Variants in TRIP4 observed in about 807,000 individuals in gnomAD.
TRIP4 encodes thyroid hormone receptor interactor 4.
In TRIP4, 54 loss-of-function variants were observed where a neutral mutation model predicts 81.8. The observed-to-expected ratio is 0.66, with a 90% CI of 0.53 to 0.83. TRIP4 has a LOEUF of 0.83. Ranked by LOEUF, TRIP4 falls within the 40% of genes least tolerant of loss-of-function variation. TRIP4 has a pLI of 0.00. For missense variants in TRIP4, 662 were observed against 683.6 expected (o/e 0.97, Z 0.35); for synonymous variants, 270 against 242.8 (o/e 1.11, Z -1.04).
chr15:64,423,079 C>T (rs913266032), intron 9 of TRIP4, among the ~76,000 whole-genome samples: 1 of 152,128 alleles, frequency 6.6e-6, no homozygotes, highest in Non-Finnish European at 1.5e-5. Context: ...CAATTAAATT[C>T]TCCTGAATAC....
At chr15:64,395,581 T>G in intron 3 of TRIP4, 50 bp downstream of exon 3, 1 of 1,557,662 alleles carries the variant, frequency 6.4e-7, no homozygotes, top group Non-Finnish European at 8.7e-7. Flanking sequence ...GAAGAGGAAG[T>G]GACTAATACA....
intron 6 of TRIP4, among the ~76,000 whole-genome samples, chr15:64,406,678 G>A (rs1201598195): frequency 1.3e-5 from 2 of 152,112 alleles, no homozygotes; most frequent in African/African-American, 4.8e-5. Context: ...AGCATTTTTT[G>A]ATTCCTGACA....
intron 12 of TRIP4, among the ~76,000 whole-genome samples, chr15:64,448,713 C>T (rs1307653348): frequency 2.0e-5 from 3 of 152,222 alleles, no homozygotes; most frequent in South Asian, 2.1e-4. Flanking sequence ...GATCCATCCA[C>T]CTTGGCCTCT....
At chr15:64,432,351 C>T (rs921972580) in intron 11 of TRIP4, among the ~76,000 whole-genome samples, 9 of 152,026 alleles carry the variant, frequency 5.9e-5, no homozygotes, top group South Asian at 2.1e-4. Context: ...CAGTGGTTTA[C>T]GCCTGTAATC....
At chr15:64,431,849 T>TATATATATATATATATATATATATATA (rs1566981702) in intron 11 of TRIP4, among the ~76,000 whole-genome samples, 72 of 81,372 alleles carry the variant, frequency 8.8e-4, no homozygotes, top group African/African-American at 2.9e-3. Flanking sequence ...ATATATATAT[T>TATATATATATATATATATATATATATA]TTTTTTATCC....
chr15:64,425,646 C>CTTT lies in TRIP4; in HGVS notation c.1575+24_1575+26dup. On this transcript the variant is annotated intron_variant, in intron 11 of 12. Coordinates refer to ENST00000261884, the MANE Select transcript of TRIP4 (RefSeq NM_016213.5). Reference sequence around the variant, plus strand: ...TTAAGGAGCAGGTGAGTAAAGAATACTTTTTTTTTTTAGAGACAGGGTTTC... The same window carrying CTTT: ...TTAAGGAGCAGGTGAGTAAAGAATACTTTTTTTTTTTTTTAGAGACAGGGTTTC... The CTTT allele has an allele frequency of 4.0e-6, 5 of 1,260,300 alleles. No homozygotes were observed. The highest frequency in any genetic ancestry group is 2.1e-5 in the Admixed American group (1 of 47,806). 78.1% of individuals were successfully genotyped at this position (1,260,300 alleles called of 1,614,324 possible).
chr15:64,404,757 AG>A (rs1357801322), intron 5 of TRIP4, among the ~76,000 whole-genome samples: 6 of 151,122 alleles, frequency 4.0e-5, no homozygotes, highest in Non-Finnish European at 7.4e-5. Context: ...GTCAGGCTGG[AG>A]TACATTGGTA....
At chr15:64,439,672 C>T (rs909866838) in intron 11 of TRIP4, among the ~76,000 whole-genome samples, 2 of 151,346 alleles carry the variant, frequency 1.3e-5, no homozygotes, top group Non-Finnish European at 1.5e-5. Flanking sequence ...TACAGGTGCC[C>T]GCCATCATGC....
At chr15:64,409,895 C>G in intron 7 of TRIP4, 67 bp downstream of exon 7, 1 of 1,372,174 alleles carries the variant, frequency 7.3e-7, no homozygotes, top group Non-Finnish European at 1.0e-6. Context: ...TTTTCCCTTT[C>G]TAGTGGATCT....
At chr15:64,388,901 T>C (rs1436802574) in intron 1 of TRIP4, among the ~76,000 whole-genome samples, 1 of 152,196 alleles carries the variant, frequency 6.6e-6, no homozygotes, top group Non-Finnish European at 1.5e-5. Flanking sequence ...TGACTTAATA[T>C]CTACTTTCAA....
intron 11 of TRIP4, among the ~76,000 whole-genome samples, chr15:64,442,643 TATCAAGTTCTACTACAGATAG>T (rs1252011663): frequency 6.6e-5 from 10 of 150,982 alleles, no homozygotes; most frequent in South Asian, 2.1e-4. Context: ...AAAAGAATTC[TATCAAGTTCTACTACAGATAG>T]ATCAAGTTCT....
In TRIP4 at chr15:64,409,836, AG is replaced by A; in HGVS notation, c.1043+9del. 1 of 1,613,162 alleles carries A rather than the reference AG, an allele frequency of 6.2e-7. No homozygotes were observed. Among genetic ancestry groups the A allele is most frequent in the Non-Finnish European group, 8.5e-7 (1 of 1,179,372 alleles). On this transcript the variant is annotated intron_variant, in intron 7 of 12. Coordinates refer to ENST00000261884, the MANE Select transcript of TRIP4 (RefSeq NM_016213.5). ...AGCAGAGTATCATAGCAGGTAAGTG[AG>A]CAGCACTAGAAAGGGTCTCAAAGAA...
intron 7 of TRIP4, among the ~76,000 whole-genome samples, chr15:64,413,062 G>A (rs1891803068): frequency 6.6e-6 from 1 of 152,008 alleles, no homozygotes; most frequent in African/African-American, 2.4e-5. Context: ...GAGCCTTCAA[G>A]CAAAGATAGA....
At chr15:64,412,809 A>G (rs555281528) in intron 7 of TRIP4, among the ~76,000 whole-genome samples, 2 of 152,310 alleles carry the variant, frequency 1.3e-5, no homozygotes, top group Non-Finnish European at 2.9e-5. Context: ...AGAATGAATT[A>G]AGATAGGGTT....
chr15:64,450,383 C>T (rs1396856355), intron 12 of TRIP4, among the ~76,000 whole-genome samples: 3 of 127,518 alleles, frequency 2.4e-5, no homozygotes, highest in African/African-American at 6.3e-5. Flanking sequence ...TGTGAGACTC[C>T]GTCTCAAAAG....
intron 11 of TRIP4, among the ~76,000 whole-genome samples, chr15:64,427,883 C>T (rs1892183625): frequency 6.6e-6 from 1 of 152,184 alleles, no homozygotes; most frequent in Non-Finnish European, 1.5e-5. Flanking sequence ...CTATCCCCCA[C>T]ACTCTTGTGC....
rs146710498 is a variant in TRIP4, at chr15:64,406,736, C to T, written c.827+277C>T. On this transcript the variant is annotated intron_variant, in intron 6 of 12. Coordinates refer to ENST00000261884, the MANE Select transcript of TRIP4 (RefSeq NM_016213.5). The stretch of plus-strand genomic sequence containing the variant: ...AGTTATGTGAGTTGACAGAATTCAC[C>T]ACTTGTTTTACTTGTAGCCATTCAT... 6.6e-3 allele frequency among the ~76,000 whole-genome samples: 1,002 copies of T among 152,190 alleles called. 14 individuals are homozygous for T. The highest frequency in any genetic ancestry group is 0.023 in the African/African-American group (960 of 41,534).
intron 3 of TRIP4, 65 bp from the exon 4 acceptor site, chr15:64,397,541 T>G (rs1288873209): frequency 4.6e-6 from 7 of 1,538,026 alleles, no homozygotes; most frequent in Non-Finnish European, 5.3e-6. Flanking sequence ...ACGGAGCATT[T>G]TCTCCCTTGA....
chr15:64,440,900 CTTAGAG>C (rs766596455), intron 11 of TRIP4, among the ~76,000 whole-genome samples: 3 of 152,054 alleles, frequency 2.0e-5, no homozygotes, highest in Non-Finnish European at 4.4e-5. Context: ...TCTACTTTTA[CTTAGAG>C]TTATAGTTCT....
Sources: allele counts gnomAD v4.1 joint callset (sites outside exome capture counted in the v4.1 genomes callset), GRCh38; gene constraint gnomAD v4.1.1; transcripts MANE v1.5; gene names NCBI Gene and HGNC (gene_info 2026-07-23, HGNC 2026-07-21).